The following PUDP variants were observed in gnomAD, a reference collection of about 807,000 sequenced individuals.
The protein encoded by PUDP is pseudouridine-5'-phosphatase.
A neutral mutation model predicts 9.4 loss-of-function variants in PUDP; 8 were observed. That is an observed-to-expected ratio of 0.85 (90% CI 0.50 to 1.53). PUDP has a LOEUF of 1.53. Ranked by LOEUF, PUDP falls within the 40% of genes most tolerant of loss-of-function variation. PUDP has a pLI of 0.00. For missense variants in PUDP, 188 were observed against 189.7 expected (o/e 0.99, Z 0.05); for synonymous variants, 99 against 80.7 (o/e 1.23, Z -1.22).
chrX:6,729,228 A>G lies in PUDP; in HGVS notation c.*248-22762T>C, dbSNP rs146977665. On this transcript the variant is annotated intron_variant and NMD_transcript_variant, in intron 3 of 3. Transcript: ENST00000655425. ...CAAAGTCACCCCTCTGCTCACTGAG[A>G]TAAATGCATATCTGATTGCCTCCTT... 6.0e-3 allele frequency among the ~76,000 whole-genome samples: 667 copies of G among 112,084 alleles called. 3 individuals carry two copies. Among genetic ancestry groups the G allele is most frequent in the African/African-American group, 0.021 (639 of 30,861 alleles).
intron 3 of PUDP, among the ~76,000 whole-genome samples, chrX:6,788,659 C>T (rs1473438230): frequency 7.2e-5 from 8 of 111,642 alleles, no homozygotes; most frequent in African/African-American, 1.6e-4. Flanking sequence ...GAGCCGAGAT[C>T]GTGCCACTGC....
chrX:6,840,120 G>A (rs1238822963), intron 3 of PUDP, among the ~76,000 whole-genome samples: 1 of 111,416 alleles, frequency 9.0e-6, no homozygotes, highest in African/African-American at 3.3e-5. Context: ...CCTCCATACT[G>A]TTCTCATGGT....
intron 3 of PUDP, among the ~76,000 whole-genome samples, chrX:6,748,904 G>A (rs938286586): frequency 4.5e-5 from 5 of 111,615 alleles, no homozygotes; most frequent in African/African-American, 1.6e-4. Context: ...ACCACAGAGA[G>A]CTAATTCATC....
intron 3 of PUDP, among the ~76,000 whole-genome samples, chrX:6,906,005 T>TC (rs1459289333): frequency 1.8e-5 from 2 of 112,140 alleles, no homozygotes; most frequent in Non-Finnish European, 3.8e-5. Context: ...ATCTTCATGT[T>TC]CTCAAACTTG....
intron 3 of PUDP, among the ~76,000 whole-genome samples, chrX:7,076,410 G>A (rs184013171): frequency 9.8e-5 from 11 of 111,861 alleles, no homozygotes; most frequent in Admixed American, 9.4e-5. Context: ...CATCGCCAGC[G>A]GGAGCCCCCC....
chrX:6,826,505 A>G (rs959399107), intron 3 of PUDP, among the ~76,000 whole-genome samples: 1 of 111,838 alleles, frequency 8.9e-6, no homozygotes, highest in African/African-American at 3.2e-5. Flanking sequence ...CTGAAAACTT[A>G]CATACATAGA....
intron 3 of PUDP, among the ~76,000 whole-genome samples, chrX:6,839,774 A>C (rs1293490155): frequency 9.0e-6 from 1 of 111,157 alleles, no homozygotes; most frequent in Non-Finnish European, 1.9e-5. Flanking sequence ...AAGGAATGCA[A>C]AATAGTACAG....
chrX:6,853,228 T>C (rs1484557079), intron 3 of PUDP, among the ~76,000 whole-genome samples: 1 of 111,552 alleles, frequency 9.0e-6, no homozygotes, highest in Non-Finnish European at 1.9e-5. Flanking sequence ...GCTGTTCTTT[T>C]GTTTGAAAGA....
intron 1 of PUDP, among the ~76,000 whole-genome samples, chrX:7,015,594 A>G (rs1929536008): frequency 9.0e-6 from 1 of 111,513 alleles, no homozygotes; most frequent in Non-Finnish European, 1.9e-5. Context: ...TCTTTTCAAG[A>G]GGCAGGGTCT....
chrX:6,844,126 T>G (rs1205993097), intron 3 of PUDP, among the ~76,000 whole-genome samples: 1 of 112,408 alleles, frequency 8.9e-6, no homozygotes, highest in Non-Finnish European at 1.9e-5. Flanking sequence ...GATTGAGTGT[T>G]TCTCACCTTG....
At chrX:7,033,715 T>C (rs1250727620) in intron 1 of PUDP, among the ~76,000 whole-genome samples, 1 of 111,320 alleles carries the variant, frequency 9.0e-6, no homozygotes, top group Non-Finnish European at 1.9e-5. Context: ...AAGGTGGTGA[T>C]GACAAAGCTC....
chrX:6,758,522 C>T (rs183908680), intron 3 of PUDP, among the ~76,000 whole-genome samples: 2 of 111,739 alleles, frequency 1.8e-5, no homozygotes, highest in African/African-American at 6.5e-5. Flanking sequence ...GCTCAGTTAG[C>T]CGCCAGAACA....
At chrX:6,756,838 G>A (rs745776757) in intron 3 of PUDP, among the ~76,000 whole-genome samples, 2 of 111,743 alleles carry the variant, frequency 1.8e-5, no homozygotes, top group South Asian at 3.7e-4. Flanking sequence ...GAAAATAAAC[G>A]AGAGAACAAA....
intron 3 of PUDP, among the ~76,000 whole-genome samples, chrX:6,820,387 T>C (rs1285146993): frequency 9.0e-6 from 1 of 110,744 alleles, no homozygotes; most frequent in Non-Finnish European, 1.9e-5. Context: ...AATCATGCCT[T>C]CCCAACAGTT....
intron 3 of PUDP, among the ~76,000 whole-genome samples, chrX:6,750,789 A>G (rs186167795): frequency 7.9e-4 from 88 of 112,087 alleles, no homozygotes; most frequent in African/African-American, 2.7e-3. Context: ...AGGATATACA[A>G]AGATGATCTC....
intron 3 of PUDP, among the ~76,000 whole-genome samples, chrX:6,955,504 C>T (rs975213365): frequency 1.8e-5 from 2 of 111,724 alleles, no homozygotes; most frequent in African/African-American, 6.5e-5. Flanking sequence ...GACACCAAGA[C>T]ATTGACCGTG....
intron 3 of PUDP, among the ~76,000 whole-genome samples, chrX:6,793,051 A>T (rs1480647807): frequency 8.9e-6 from 1 of 112,292 alleles, no homozygotes; most frequent in Non-Finnish European, 1.9e-5. Flanking sequence ...GTAGAAATTT[A>T]TTGCTCACAA....
intron 3 of PUDP, among the ~76,000 whole-genome samples, chrX:6,943,513 T>C (rs1928424614): frequency 9.3e-6 from 1 of 107,173 alleles, no homozygotes. Flanking sequence ...TTCAGAAATT[T>C]GGAATTGAAT....
At chrX:6,771,270 C>T (rs944722582) in intron 3 of PUDP, among the ~76,000 whole-genome samples, 1 of 111,909 alleles carries the variant, frequency 8.9e-6, no homozygotes. Context: ...AACACCTGCA[C>T]GTCCATGGCC....
Sources: allele counts gnomAD v4.1 joint callset (sites outside exome capture counted in the v4.1 genomes callset), GRCh38; gene constraint gnomAD v4.1.1; transcripts MANE v1.5; gene names NCBI Gene and HGNC (gene_info 2026-07-23, HGNC 2026-07-21).